NOX5: variants seen among roughly 807,000 people sequenced by gnomAD.
The protein encoded by NOX5 is NADPH oxidase, EF-hand calcium binding domain 5.
Under a neutral mutation model 85.7 loss-of-function variants are expected in NOX5, and 76 were observed. The observed-to-expected ratio is 0.89, with a 90% confidence interval of 0.74 to 1.07. The LOEUF (loss-of-function observed/expected upper bound fraction) is 1.07. Ranked by LOEUF, NOX5 falls within the 50% of genes least tolerant of loss-of-function variation. The probability of loss-of-function intolerance (pLI) is 0.00; values close to 1 mark genes in which losing one functional copy is unlikely to be tolerated. For missense variants in NOX5, 973 were observed against 999.5 expected (o/e 0.97, Z 0.36); for synonymous variants, 405 against 401.4 (o/e 1.01, Z -0.11).
chr15:69,028,627 A>G (rs932456542), intron 3 of NOX5: 23 of 317,974 alleles, frequency 7.2e-5, no homozygotes, highest in Non-Finnish European at 1.2e-5. Context: ...AATGCCTTCT[A>G]TTCAACTTAC....
chr15:69,047,950 T>G (rs1358563763), intron 13 of NOX5, 39 bp downstream of exon 13: 1 of 1,581,342 alleles, frequency 6.3e-7, no homozygotes, highest in Admixed American at 1.7e-5. Flanking sequence ...CCAGACCTTC[T>G]CCCCTGGACA....
intron 4 of NOX5, among the ~76,000 whole-genome samples, chr15:69,032,426 T>C (rs915789255): frequency 5.3e-5 from 8 of 151,148 alleles, no homozygotes; most frequent in African/African-American, 9.7e-5. Context: ...TTTTTTTTTT[T>C]CTGAGACGGA....
chr15:69,048,039 A>C, intron 13 of NOX5, 128 bp downstream of exon 13: 1 of 752,206 alleles, frequency 1.3e-6, no homozygotes, highest in Non-Finnish European at 2.2e-6. Context: ...TTCTTTCCCC[A>C]CAATACCCTG....
chr15:69,052,930 C>T (rs552002261), intron 14 of NOX5, among the ~76,000 whole-genome samples: 1 of 152,270 alleles, frequency 6.6e-6, no homozygotes, highest in African/African-American at 2.4e-5. Context: ...TTTCTAGTTA[C>T]TGGCACATAA....
At chr15:69,048,494 C>G (rs561575437) in intron 13 of NOX5, among the ~76,000 whole-genome samples, 1 of 152,142 alleles carries the variant, frequency 6.6e-6, no homozygotes, top group Non-Finnish European at 1.5e-5. Context: ...GACCACACCA[C>G]TGCACTCCAG....
Position 69,018,624 on chromosome 15 carries a change from C to T in NOX5, c.50+3839C>T, listed in dbSNP as rs138270488. Among the ~76,000 whole-genome samples, 613 of 148,830 alleles carry T rather than the reference C, an allele frequency of 4.1e-3. 6 individuals carry two copies. The highest frequency in any genetic ancestry group is 0.014 in the African/African-American group (573 of 40,350). On this transcript the variant is annotated intron_variant, in intron 1 of 15. Coordinates refer to ENST00000388866, the MANE Select transcript of NOX5 (RefSeq NM_024505.4). ...GGCGGATTCTCATCTGATCAGTGGGCTGTACCTGTTGAGCCACTTGCCTCA... is the reference window on the plus strand; with the variant it reads ...GGCGGATTCTCATCTGATCAGTGGGTTGTACCTGTTGAGCCACTTGCCTCA...
intron 11 of NOX5, chr15:69,047,102 T>C: frequency 3.4e-6 from 2 of 591,952 alleles, no homozygotes; most frequent in Non-Finnish European, 6.0e-6. Flanking sequence ...GGGATGGGTG[T>C]ACAGTGTATA....
At chr15:69,026,349 A>C (rs920538987) in intron 1 of NOX5, among the ~76,000 whole-genome samples, 179 bp from the exon 2 acceptor site, 1 of 152,120 alleles carries the variant, frequency 6.6e-6, no homozygotes, top group Non-Finnish European at 1.5e-5. Context: ...ACTGAGGCAT[A>C]GGGAGGAGGA....
intron 7 of NOX5, 130 bp from the exon 8 acceptor site, chr15:69,036,898 A>T: frequency 1.4e-6 from 1 of 740,702 alleles, no homozygotes; most frequent in Non-Finnish European, 2.3e-6. Context: ...CATCTTACCC[A>T]ACTCCATCCC....
intron 5 of NOX5, among the ~76,000 whole-genome samples, chr15:69,033,983 C>T (rs1030721306): frequency 2.6e-5 from 4 of 152,040 alleles, no homozygotes; most frequent in African/African-American, 9.7e-5. Flanking sequence ...CATGAGCCAC[C>T]ACGCCTGACC....
intron 14 of NOX5, among the ~76,000 whole-genome samples, chr15:69,050,357 T>C (rs1023748990): frequency 1.3e-5 from 2 of 152,198 alleles, no homozygotes; most frequent in African/African-American, 4.8e-5. Flanking sequence ...GTTTTCCTTC[T>C]GCTTGAAGAA....
At chr15:69,037,313 G>GAATA in intron 8 of NOX5, 103 bp downstream of exon 8, 1 of 1,171,746 alleles carries the variant, frequency 8.5e-7, no homozygotes, top group Non-Finnish European at 1.2e-6. Flanking sequence ...AGGAAATAGA[G>GAATA]AATAGTGTAG....
At position 69,055,500 on chromosome 15, in the gene NOX5, G is replaced by A. The variant is rs1379891031; in HGVS notation, c.2166G>A (p.Lys722=). ...RTQPGRPDWS[K]VFQKVAAEKK... ...AGCCTGGGCGGCCTGACTGGAGCAA[G>A]GTAATGCCAACTGGAGCCCTGCAGC... Residue 722 remains lysine (K), a splice_region_variant and synonymous_variant, in exon 15 of 16, where the codon AAG becomes AAA. Transcript: ENST00000388866. 1 of 1,613,502 alleles carries A rather than the reference G, an allele frequency of 6.2e-7. No individual in the cohort carries two copies. Among genetic ancestry groups the A allele is most frequent in the East Asian group, 2.2e-5 (1 of 44,848 alleles).
At chr15:69,055,824 T>G (rs922250996) in intron 15 of NOX5, among the ~76,000 whole-genome samples, 4 of 152,172 alleles carry the variant, frequency 2.6e-5, no homozygotes, top group Admixed American at 6.5e-5. Flanking sequence ...ACAACAAATC[T>G]TATCATCTCC....
chr15:69,061,902 C>T lies in NOX5; in HGVS notation c.*5206C>T, dbSNP rs1448216538. 2 of 152,012 alleles carry T rather than the reference C, an allele frequency of 1.3e-5. No homozygotes were observed. The highest frequency in any genetic ancestry group is 2.9e-5 in the Non-Finnish European group (2 of 67,998). 9.4% of individuals were successfully genotyped at this position (152,012 alleles called of 1,614,324 possible). A position where few individuals can be genotyped will look rare whatever the true frequency, so the allele number is the denominator to read the frequency against. Reference sequence around the variant, plus strand: ...AGGAAAAAAAAATTCTGAGATTTACCCAAATTTGGCTGGACATGAGTTTAT... The same window carrying T: ...AGGAAAAAAAAATTCTGAGATTTACTCAAATTTGGCTGGACATGAGTTTAT... On this transcript the variant is annotated 3_prime_UTR_variant, in exon 16 of 16. Coordinates refer to ENST00000388866, the MANE Select transcript of NOX5 (RefSeq NM_024505.4).
chr15:69,053,515 G>C (rs2050774631), intron 14 of NOX5, among the ~76,000 whole-genome samples: 1 of 152,200 alleles, frequency 6.6e-6, no homozygotes, highest in Non-Finnish European at 1.5e-5. Context: ...GGTATAGTTA[G>C]TGGTTATACC....
chr15:69,056,603 G>T lies in NOX5; in HGVS notation c.2205G>T (p.Val735=). The change falls in exon 16 of 16, where the codon GTG becomes GTT. Residue 735 remains valine (V), a synonymous_variant. Coordinates refer to ENST00000388866, the MANE Select transcript of NOX5 (RefSeq NM_024505.4). Reference sequence around the variant, plus strand: ...TGGCTGCTGAGAAGAAGGGCAAGGTGCAGGTCTTCTTCTGTGGCTCCCCAG... The same window carrying T: ...TGGCTGCTGAGAAGAAGGGCAAGGTTCAGGTCTTCTTCTGTGGCTCCCCAG... ...QKVAAEKKGK[V]QVFFCGSPAL... is the part of the protein sequence containing the mutation. 6.2e-7 allele frequency: 1 copy of T among 1,613,764 alleles called. No homozygotes were observed.
intron 5 of NOX5, among the ~76,000 whole-genome samples, chr15:69,033,704 T>TC (rs1433972777): frequency 9.5e-5 from 14 of 148,096 alleles, no homozygotes; most frequent in Admixed American, 6.0e-4. Flanking sequence ...TTTTTTTCTT[T>TC]TTTTTTTTTT....
intron 1 of NOX5, among the ~76,000 whole-genome samples, chr15:69,024,981 A>ATTTAT (rs1182379357): frequency 6.6e-6 from 1 of 152,182 alleles, no homozygotes; most frequent in African/African-American, 2.4e-5. Flanking sequence ...AAACTATTAC[A>ATTTAT]TTTATTTTTA....
Sources: allele counts gnomAD v4.1 joint callset (sites outside exome capture counted in the v4.1 genomes callset), GRCh38; gene constraint gnomAD v4.1.1; transcripts MANE v1.5; gene names NCBI Gene and HGNC (gene_info 2026-07-23, HGNC 2026-07-21).